GLT1D1: variants seen among roughly 807,000 people sequenced by gnomAD.
GLT1D1 encodes the protein glycosyltransferase 1 domain-containing protein 1.
Under a neutral mutation model 28.7 loss-of-function variants are expected in GLT1D1, and 21 were observed. The ratio of observed to expected loss-of-function variants is 0.73; its 90% CI spans 0.52 to 1.05. The LOEUF (loss-of-function observed/expected upper bound fraction) is 1.05. Among genes scored for constraint, GLT1D1 ranks in the 50% least tolerant of loss-of-function variants. The pLI, the probability that GLT1D1 is intolerant of heterozygous loss-of-function variation, is 0.00. For missense variants in GLT1D1, 343 were observed against 330.6 expected, an observed-to-expected ratio of 1.04 and a Z score of -0.29; for synonymous variants, 147 against 124.8, an observed-to-expected ratio of 1.18 and a Z score of -1.19.
intron 2 of GLT1D1, among the ~76,000 whole-genome samples, chr12:128,883,421 C>T (rs1425105880): frequency 6.6e-6 from 1 of 150,960 alleles, no homozygotes; most frequent in East Asian, 2.0e-4. Flanking sequence ...GAAACCCCGT[C>T]TCTACTAAAA....
rs768235031 is a variant in GLT1D1, at chr12:128,983,094, C to T, written c.*4C>T. 1.2e-6 allele frequency: 2 copies of T among 1,612,740 alleles called. No homozygotes were observed. The highest frequency in any genetic ancestry group is 1.7e-5 in the Admixed American group (1 of 60,002). ...GGAAGGAAGCACTGAAGATTGAGGG[C>T]CCCGCCTCATCAGACACCTGCTCTC... is the stretch of plus-strand genomic sequence containing the variant. On this transcript the variant is annotated 3_prime_UTR_variant, in exon 8 of 8. Coordinates refer to ENST00000281703, the MANE Select transcript of GLT1D1 (RefSeq NM_144669.3). The surrounding 1 kb of genome is among the most constrained non-coding windows in gnomAD (Gnocchi z 4.7).
In GLT1D1 at chr12:128,902,991, C is replaced by T. The variant is rs907453509; in HGVS notation, c.375+3704C>T. Among the ~76,000 whole-genome samples, 49 of 144,838 alleles carry T rather than the reference C, an allele frequency of 3.4e-4. 2 individuals carry two copies. Among genetic ancestry groups the T allele is most frequent in the Non-Finnish European group, 1.0e-4 (7 of 66,700 alleles). ...CCCAGGAGGCCGAGGTTGAAGTGAA[C>T]AGAGATGGTGCCACTGCAAGACTCC... On this transcript the variant is annotated intron_variant, in intron 4 of 7. Transcript: ENST00000281703.
intron 7 of GLT1D1, among the ~76,000 whole-genome samples, chr12:128,970,537 G>A (rs1339234711): frequency 2.0e-5 from 3 of 152,196 alleles, no homozygotes; most frequent in Non-Finnish European, 2.9e-5. Flanking sequence ...AGGACCCTCT[G>A]GTGGCTTCCC....
At chr12:128,912,492 T>C in intron 4 of GLT1D1, 32 bp downstream of exon 5, 1 of 1,236,804 alleles carries the variant, frequency 8.1e-7, no homozygotes, top group African/African-American at 1.5e-5. Context: ...TTTACTTATG[T>C]ACAGGGATAG....
intron 4 of GLT1D1, among the ~76,000 whole-genome samples, chr12:128,910,983 G>C (rs1439289694): frequency 6.6e-6 from 1 of 152,096 alleles, no homozygotes; most frequent in Non-Finnish European, 1.5e-5. Flanking sequence ...AGTCTGGAGT[G>C]CAGTGGCGCA....
intron 1 of GLT1D1, among the ~76,000 whole-genome samples, chr12:128,873,105 A>G (rs1443803248): frequency 6.6e-6 from 1 of 152,110 alleles, no homozygotes; most frequent in African/African-American, 2.4e-5. Flanking sequence ...CATGTTGTCT[A>G]GGCTGGTCTC....
Position 128,957,701 on chromosome 12 carries a change from G to A in GLT1D1, c.639+58G>A. Reference sequence around the variant, plus strand: ...CCTTATCTGAATAGTTTTCCTCTATGTTTAATGGAGAGATTCTTTCTGTTA... The same window carrying A: ...CCTTATCTGAATAGTTTTCCTCTATATTTAATGGAGAGATTCTTTCTGTTA... On this transcript the variant is annotated intron_variant, in intron 7 of 7. Transcript: ENST00000281703. 3 of 1,092,376 alleles carry A rather than the reference G, an allele frequency of 2.7e-6. No individual in the cohort carries two copies. In the East Asian group the frequency reaches 7.3e-5, roughly 27 times the overall value. 67.7% of individuals were successfully genotyped at this position (1,092,376 alleles called of 1,614,324 possible).
chr12:128,914,853 A>G, intron 4 of GLT1D1, 80 bp from the exon 6 acceptor site: 1 of 917,530 alleles, frequency 1.1e-6, no homozygotes, highest in East Asian at 2.6e-5. Context: ...AATAATAATA[A>G]GCCTCAACAC....
Position 128,982,022 on chromosome 12 carries a change from C to CTTCT in GLT1D1, c.640-906_640-903dup, listed in dbSNP as rs1293431163. Among the ~76,000 whole-genome samples, 3 of 152,118 alleles carry CTTCT rather than the reference C, an allele frequency of 2.0e-5. No individual in the cohort carries two copies. In the East Asian group the frequency reaches 5.8e-4, roughly 29 times the overall value. ...TGAATACCCTTTAACAGTGAAAATA[C>CTTCT]TTCTAATTTTTTTTCCAATCCTGAA... On this transcript the variant is annotated intron_variant, in intron 7 of 7. Coordinates refer to ENST00000281703, the MANE Select transcript of GLT1D1 (RefSeq NM_144669.3).
chr12:128,947,431 T>G lies in GLT1D1; in HGVS notation c.513T>G (p.Ser171=). ...TCGCGGTGGTGAATAGCTCTGTCTC[T>G]GAAGGCATGTCAGCTGCAATTTTGG... The change falls in exon 6 of 8, where the codon TCT becomes TCG. Residue 171 remains serine (S), a synonymous_variant. Coordinates refer to ENST00000281703, the MANE Select transcript of GLT1D1 (RefSeq NM_144669.3). 6.2e-7 allele frequency: 1 copy of G among 1,614,158 alleles called. No individual in the cohort carries two copies. The highest frequency in any genetic ancestry group is 8.5e-7 in the Non-Finnish European group (1 of 1,180,030).
At chr12:128,974,517 C>T (rs1038449880) in intron 7 of GLT1D1, among the ~76,000 whole-genome samples, 3 of 152,186 alleles carry the variant, frequency 2.0e-5, no homozygotes, top group Non-Finnish European at 2.9e-5. Context: ...CACAATCGAC[C>T]TCTGCTGTGC....
intron 2 of GLT1D1, among the ~76,000 whole-genome samples, chr12:128,887,707 A>C (rs673510): frequency 0.014 from 2,149 of 152,248 alleles, 60 homozygotes; most frequent in African/African-American, 0.05. Flanking sequence ...AGAAGATGAG[A>C]TCTGCTAATT....
At chr12:128,904,198 G>A (rs1870601032) in intron 4 of GLT1D1, among the ~76,000 whole-genome samples, 1 of 151,568 alleles carries the variant, frequency 6.6e-6, no homozygotes, top group African/African-American at 2.4e-5. Flanking sequence ...CAATGTTTTC[G>A]AGAATAATTT....
At chr12:128,890,734 C>A (rs940415692) in intron 3 of GLT1D1, among the ~76,000 whole-genome samples, 3 of 150,052 alleles carry the variant, frequency 2.0e-5, no homozygotes, top group Non-Finnish European at 4.4e-5. Flanking sequence ...TGCGGTGGCT[C>A]ACACATGTAA....
In GLT1D1 at chr12:128,983,382, A is replaced by C. The variant is rs950513184; in HGVS notation, c.*292A>C. On this transcript the variant is annotated 3_prime_UTR_variant, in exon 8 of 8. Coordinates refer to ENST00000281703, the MANE Select transcript of GLT1D1 (RefSeq NM_144669.3). This position sits in a 1 kb window ranked among gnomAD's most constrained non-coding sequence, Gnocchi z 4.7. ...CTGGTTTTCAGGGAATTTGGGAGAG[A>C]ATTTGATTACCTGCCTTAGGGCTTT... 21 of 357,372 alleles carry C rather than the reference A, an allele frequency of 5.9e-5. No individual in the cohort carries two copies. Among genetic ancestry groups the C allele is most frequent in the African/African-American group, 3.9e-4 (19 of 49,348 alleles). 22.1% of individuals were successfully genotyped at this position (357,372 alleles called of 1,614,324 possible). A position where few individuals can be genotyped will look rare whatever the true frequency, so the allele number is the denominator to read the frequency against.
chr12:128,906,792 G>A lies in GLT1D1; in HGVS notation c.375+7505G>A, dbSNP rs191793931. On this transcript the variant is annotated intron_variant, in intron 4 of 7. Coordinates refer to ENST00000281703, the MANE Select transcript of GLT1D1 (RefSeq NM_144669.3). The stretch of plus-strand genomic sequence containing the variant: ...GGGCCTAATTTATCTACTTTGCCTT[G>A]GCACTTGTGAAAGAAAAGTAACTTC... 1.7e-3 allele frequency: 858 copies of A among 505,620 alleles called. 2 individuals are homozygous for A. Among genetic ancestry groups the A allele is most frequent in the Non-Finnish European group, 2.7e-3 (736 of 275,102 alleles). 31.3% of individuals were successfully genotyped at this position (505,620 alleles called of 1,614,324 possible).
At chr12:128,885,836 C>T (rs1454107685) in intron 2 of GLT1D1, among the ~76,000 whole-genome samples, 2 of 152,148 alleles carry the variant, frequency 1.3e-5, no homozygotes, top group Non-Finnish European at 1.5e-5. Flanking sequence ...TCACTGAAAA[C>T]GACTCTCCCA....
intron 6 of GLT1D1, among the ~76,000 whole-genome samples, chr12:128,957,231 G>A (rs138493779): frequency 1.8e-4 from 27 of 152,322 alleles, no homozygotes; most frequent in South Asian, 1.0e-3. Flanking sequence ...TGCTCCATGC[G>A]GTCGGTCGGT....
At chr12:128,879,696 G>T (rs10847711) in intron 2 of GLT1D1, among the ~76,000 whole-genome samples, 1 of 151,898 alleles carries the variant, frequency 6.6e-6, no homozygotes, top group African/African-American at 2.4e-5. Flanking sequence ...GCTTAAAGTT[G>T]TTTGCCCGCC....
Sources: allele counts gnomAD v4.1 joint callset (sites outside exome capture counted in the v4.1 genomes callset), GRCh38; gene constraint gnomAD v4.1.1; non-coding constraint Gnocchi (gnomAD v3.1); transcripts MANE v1.5; gene names NCBI Gene and HGNC (gene_info 2026-07-23, HGNC 2026-07-21).